RAPGEF2: variants seen among roughly 807,000 people sequenced by gnomAD.
The protein encoded by RAPGEF2 is PDZ domain containing guanine nucleotide exchange factor (GEF) 1.
A neutral mutation model predicts 186.7 loss-of-function variants in RAPGEF2; 54 were observed. The observed-to-expected ratio is 0.29, with a 90% CI of 0.23 to 0.36. The LOEUF (loss-of-function observed/expected upper bound fraction) is 0.36, where lower values mean the gene tolerates loss of function less well. RAPGEF2 is among the 10% of genes least tolerant of loss of function. The pLI, the probability that RAPGEF2 is intolerant of heterozygous loss-of-function variation, is 1.00. For missense variants in RAPGEF2, 1,532 were observed against 2,045.0 expected, an observed-to-expected ratio of 0.75 and a Z score of 4.84; for synonymous variants, 712 against 705.9, an observed-to-expected ratio of 1.01 and a Z score of -0.14.
intron 1 of RAPGEF2, among the ~76,000 whole-genome samples, chr4:159,152,120 G>A (rs1042725721): frequency 6.6e-6 from 1 of 152,146 alleles, no homozygotes; most frequent in Non-Finnish European, 1.5e-5. Flanking sequence ...TCAGGAGTTC[G>A]AGACCAGCCT....
At chr4:159,247,595 A>G (rs1754788651) in intron 7 of RAPGEF2, among the ~76,000 whole-genome samples, 1 of 152,124 alleles carries the variant, frequency 6.6e-6, no homozygotes, top group African/African-American at 2.4e-5. Context: ...TGGCTCCAAG[A>G]TGGAATAAAT....
intron 4 of RAPGEF2, among the ~76,000 whole-genome samples, chr4:159,231,810 C>G (rs1192587279): frequency 1.3e-5 from 2 of 152,092 alleles, no homozygotes; most frequent in African/African-American, 4.8e-5. Flanking sequence ...AAAATCAAAG[C>G]ACTTCTGATG....
intron 6 of RAPGEF2, among the ~76,000 whole-genome samples, chr4:159,242,483 A>G (rs1350802989): frequency 3.3e-5 from 5 of 151,896 alleles, no homozygotes; most frequent in South Asian, 2.1e-4. Context: ...CATATATTCT[A>G]TTTCTCAGAG....
intron 1 of RAPGEF2, among the ~76,000 whole-genome samples, chr4:159,144,370 T>C (rs1302272971): frequency 6.6e-6 from 1 of 152,232 alleles, no homozygotes; most frequent in East Asian, 1.9e-4. Context: ...AACAGACGTT[T>C]AGATGTGCTC....
intron 1 of RAPGEF2, among the ~76,000 whole-genome samples, chr4:159,169,739 T>C (rs1007323365): frequency 6.6e-6 from 1 of 152,180 alleles, no homozygotes; most frequent in Non-Finnish European, 1.5e-5. Context: ...ATTTATATTG[T>C]CATAAATAAT....
chr4:159,159,913 T>C (rs1295167871), intron 1 of RAPGEF2, among the ~76,000 whole-genome samples: 1 of 152,228 alleles, frequency 6.6e-6, no homozygotes, highest in African/African-American at 2.4e-5. Flanking sequence ...AAAATGTGAT[T>C]GAGCCAATTA....
In RAPGEF2 at chr4:159,343,351, C is replaced by T. The variant is rs188622665; in HGVS notation, c.3201C>T (p.His1067=). The change falls in exon 22 of 30, where the codon CAC becomes CAT. Residue 1067 remains histidine (H), a synonymous_variant. Transcript: ENST00000691494. The part of the protein sequence containing the change: ...KLRMIAKEIR[H]VGRMASVNMD... ...GGATGATTGCAAAAGAAATTCGTCA[C>T]GTTGGCCGAATGGCTTCAGTGAACA... is the stretch of plus-strand genomic sequence containing the variant. The T allele has an allele frequency of 1.9e-4, 313 of 1,614,030 alleles. 6 individuals carry two copies. In the East Asian group the frequency reaches 4.0e-3, roughly 20 times the overall value.
Position 159,353,671 on chromosome 4 carries a change from C to A in RAPGEF2, c.4276C>A (p.His1426Asn). 1 of 1,588,434 alleles carries A rather than the reference C, an allele frequency of 6.3e-7. No individual in the cohort carries two copies. The highest frequency in any genetic ancestry group is 8.6e-7 in the Non-Finnish European group (1 of 1,168,326). The change falls in exon 28 of 30, where the codon CAC becomes AAC. Residue 1426 changes from histidine (H) to asparagine (N), a missense_variant. Physicochemically the swap from His to Asn is moderately conservative, Grantham distance 68. Around this residue, in one of 4 missense-constraint regions of RAPGEF2, gnomAD observed 594 missense variants for 608.5 expected, o/e 0.98. Transcript: ENST00000691494. This position sits in a 1 kb window ranked among gnomAD's most constrained non-coding sequence, Gnocchi z 4.3. ...CCATGATAATATACAGACGATCCAG[C>A]ACCAGAGAAGCTGGGAGACTCTTCC... ...GSHDNIQTIQ[H>N]QRSWETLPFG...
chr4:159,229,951 G>T (rs1359316212), intron 4 of RAPGEF2, among the ~76,000 whole-genome samples: 1 of 152,128 alleles, frequency 6.6e-6, no homozygotes, highest in Non-Finnish European at 1.5e-5. Flanking sequence ...TTGACCAGAA[G>T]TGAACCTGCA....
intron 1 of RAPGEF2, among the ~76,000 whole-genome samples, chr4:159,120,915 C>T (rs1265251705): frequency 1.3e-5 from 2 of 151,338 alleles, no homozygotes; most frequent in South Asian, 2.1e-4. Context: ...AGTGCAGTGG[C>T]GCAATCTTGG....
intron 1 of RAPGEF2, among the ~76,000 whole-genome samples, chr4:159,132,271 A>G (rs974359022): frequency 6.6e-6 from 1 of 152,234 alleles, no homozygotes; most frequent in Non-Finnish European, 1.5e-5. Flanking sequence ...CAACTGCAGA[A>G]TGAAAGAGTT....
chr4:159,170,673 A>C (rs1014418224), intron 1 of RAPGEF2, among the ~76,000 whole-genome samples: 2 of 152,108 alleles, frequency 1.3e-5, no homozygotes, highest in African/African-American at 4.8e-5. Flanking sequence ...CTTTAGCCCA[A>C]CTGTTTTCTT....
chr4:159,177,722 C>T (rs1344647339), intron 1 of RAPGEF2, among the ~76,000 whole-genome samples: 54 of 152,206 alleles, frequency 3.5e-4, no homozygotes, highest in Non-Finnish European at 1.3e-4. Flanking sequence ...ACTTGCAGAA[C>T]TTCCCCTTTT....
intron 1 of RAPGEF2, among the ~76,000 whole-genome samples, chr4:159,162,016 A>G (rs1222393444): frequency 6.6e-6 from 1 of 152,192 alleles, no homozygotes; most frequent in Non-Finnish European, 1.5e-5. Flanking sequence ...GCAGCATGCA[A>G]ACAGCTGTAA....
At chr4:159,252,931 C>T (rs936040351) in intron 7 of RAPGEF2, among the ~76,000 whole-genome samples, 1 of 152,140 alleles carries the variant, frequency 6.6e-6, no homozygotes. Flanking sequence ...ACCCATTACA[C>T]ATTAACATGA....
intron 25 of RAPGEF2, among the ~76,000 whole-genome samples, chr4:159,348,242 A>AGATAGATAGATGGATGGATGGATG (rs544061786): frequency 4.1e-5 from 6 of 145,066 alleles, no homozygotes; most frequent in African/African-American, 1.7e-4. Flanking sequence ...ATAGATAGAT[A>AGATAGATAGATGGATGGATGGATG]GATGGATGGA....
At chr4:159,242,713 G>T (rs983510735) in intron 6 of RAPGEF2, among the ~76,000 whole-genome samples, 1 of 91,296 alleles carries the variant, frequency 1.1e-5, no homozygotes, top group African/African-American at 5.3e-5. Context: ...TGTTACCATT[G>T]TCCATAAAAA....
intron 3 of RAPGEF2, among the ~76,000 whole-genome samples, chr4:159,204,108 T>A (rs1213590884): frequency 1.3e-5 from 2 of 152,230 alleles, no homozygotes; most frequent in African/African-American, 4.8e-5. Context: ...CTGAAATGTT[T>A]CCCAGCTTCT....
At chr4:159,186,602 C>A in intron 1 of RAPGEF2, 40 bp from the exon 2 acceptor site, 1 of 1,112,130 alleles carries the variant, frequency 9.0e-7, no homozygotes, top group Non-Finnish European at 1.2e-6. Context: ...ACCCCTTTTC[C>A]TGACAGGTCT....
Sources: allele counts gnomAD v4.1 joint callset (sites outside exome capture counted in the v4.1 genomes callset), GRCh38; gene constraint gnomAD v4.1.1; regional missense constraint gnomAD v4.1.1; non-coding constraint Gnocchi (gnomAD v3.1); transcripts MANE v1.5; gene names NCBI Gene and HGNC (gene_info 2026-07-23, HGNC 2026-07-21).